The following CPPED1 variants were observed in gnomAD, a reference collection of about 807,000 sequenced individuals.
The protein encoded by CPPED1 is calcineurin like phosphoesterase domain containing 1.
A neutral mutation model predicts 28.0 loss-of-function variants in CPPED1; 28 were observed. The observed-to-expected ratio is 1.00, with a 90% confidence interval of 0.74 to 1.37. CPPED1 has a LOEUF of 1.37. Ranked by LOEUF, CPPED1 falls within the 40% of genes most tolerant of loss-of-function variation. CPPED1 has a pLI of 0.00. For synonymous variants in CPPED1, 198 were observed against 180.2 expected (o/e 1.10, Z -0.79); for missense variants, 504 against 416.5 (o/e 1.21, Z -1.83).
rs370057241 is a variant in CPPED1, at chr16:12,704,908, C to T, written c.431G>A (p.Arg144Gln). Reference sequence around the variant, plus strand: ...GCTGAAGTAGTCATCTCCCCAAGTCCGGCAGAACTCCTCGACGGTCTCGGC... The same window carrying T: ...GCTGAAGTAGTCATCTCCCCAAGTCTGGCAGAACTCCTCGACGGTCTCGGC... ...PTAETVEEFC[R>Q]TWGDDYFSFW... The change falls in exon 3 of 4, where the codon CGG becomes CAG. Residue 144 changes from arginine (R) to glutamine (Q), a missense_variant. Physicochemically the swap from Arg to Gln is conservative, Grantham distance 43. Transcript: ENST00000381774. 4.5e-5 allele frequency: 72 copies of T among 1,614,034 alleles called. No homozygotes were observed. Among genetic ancestry groups the T allele is most frequent in the South Asian group, 3.3e-5 (3 of 91,080 alleles).
intron 3 of CPPED1, among the ~76,000 whole-genome samples, chr16:12,676,946 G>A (rs2079880750): frequency 6.6e-6 from 1 of 152,168 alleles, no homozygotes; most frequent in African/African-American, 2.4e-5. Context: ...GCCTGTAAGT[G>A]TTGAAGCAGG....
At chr16:12,779,618 G>T (rs929402181) in intron 2 of CPPED1, among the ~76,000 whole-genome samples, 18 of 151,940 alleles carry the variant, frequency 1.2e-4, no homozygotes, top group African/African-American at 4.4e-4. Context: ...TTGAATTCCT[G>T]ACCTCAAGTG....
chr16:12,688,439 G>C (rs2079944863), intron 3 of CPPED1, among the ~76,000 whole-genome samples: 1 of 150,462 alleles, frequency 6.6e-6, no homozygotes, highest in Admixed American at 6.7e-5. Flanking sequence ...GGGTTGAAGT[G>C]ATTATTCTCC....
At chr16:12,725,099 T>C (rs188471276) in intron 2 of CPPED1, among the ~76,000 whole-genome samples, 10 of 151,950 alleles carry the variant, frequency 6.6e-5, no homozygotes, top group Admixed American at 5.9e-4. Flanking sequence ...ATGATTCTTT[T>C]TGTTTTGTTT....
intron 3 of CPPED1, among the ~76,000 whole-genome samples, chr16:12,667,481 T>G (rs576559753): frequency 6.6e-6 from 1 of 152,262 alleles, no homozygotes; most frequent in South Asian, 2.1e-4. Flanking sequence ...AGGCCAGGCA[T>G]GGTGGCTCAT....
rs886805837 is a variant in CPPED1, at chr16:12,767,898, T to C, written c.289+13287A>G. 3.9e-5 allele frequency among the ~76,000 whole-genome samples: 6 copies of C among 152,050 alleles called. No homozygotes were observed. The East Asian group carries it at 1.2e-3, about 29-fold the overall frequency. On this transcript the variant is annotated intron_variant, in intron 2 of 3. Transcript: ENST00000381774. ...CTTGAACCCAGGAGGAAGGTTGCAG[T>C]GAGCAGAGATCGCGCCACTGCACTC...
At chr16:12,802,735 C>G in intron 1 of CPPED1, among the ~76,000 whole-genome samples, 1 of 152,172 alleles carries the variant, frequency 6.6e-6, no homozygotes, top group South Asian at 2.1e-4. Flanking sequence ...CTCACCAACC[C>G]TGCTAAAGAA....
At chr16:12,787,570 C>A (rs2080571783) in intron 1 of CPPED1, among the ~76,000 whole-genome samples, 1 of 151,938 alleles carries the variant, frequency 6.6e-6, no homozygotes, top group Admixed American at 6.6e-5. Flanking sequence ...CCACACCTGG[C>A]TCATTTTTGT....
At chr16:12,680,893 C>T (rs1229135184) in intron 3 of CPPED1, among the ~76,000 whole-genome samples, 2 of 152,172 alleles carry the variant, frequency 1.3e-5, no homozygotes, top group African/African-American at 2.4e-5. Flanking sequence ...CACCTATACA[C>T]TTGGTCATTT....
chr16:12,758,157 C>T (rs1299133634), intron 2 of CPPED1, among the ~76,000 whole-genome samples: 2 of 152,078 alleles, frequency 1.3e-5, no homozygotes, highest in Non-Finnish European at 2.9e-5. Flanking sequence ...TAAAGGAAAA[C>T]AGCCATGACA....
At chr16:12,738,820 T>C (rs2080239788) in intron 2 of CPPED1, among the ~76,000 whole-genome samples, 1 of 152,214 alleles carries the variant, frequency 6.6e-6, no homozygotes, top group Non-Finnish European at 1.5e-5. Context: ...ACAGATTCAA[T>C]ATATTTTGTT....
intron 2 of CPPED1, among the ~76,000 whole-genome samples, chr16:12,712,073 C>T (rs1212270470): frequency 2.0e-5 from 3 of 152,170 alleles, no homozygotes; most frequent in African/African-American, 7.2e-5. Flanking sequence ...ATGTTGACAT[C>T]CTAGCCCAGA....
chr16:12,728,635 A>G (rs889028420), intron 2 of CPPED1, among the ~76,000 whole-genome samples: 6 of 152,222 alleles, frequency 3.9e-5, no homozygotes, highest in Non-Finnish European at 7.3e-5. Context: ...GCATGATTGC[A>G]ACCTTCCTAG....
At chr16:12,669,578 T>C (rs1471531835) in intron 3 of CPPED1, among the ~76,000 whole-genome samples, 1 of 152,184 alleles carries the variant, frequency 6.6e-6, no homozygotes, top group Non-Finnish European at 1.5e-5. Flanking sequence ...GAGATATCAG[T>C]GGTAATTCAT....
chr16:12,662,500 C>T lies in CPPED1; in HGVS notation c.*2386G>A, dbSNP rs1275640764. On this transcript the variant is annotated 3_prime_UTR_variant, in exon 4 of 4. Transcript: ENST00000381774. Reference sequence around the variant, plus strand: ...CTGCAACCAACACCAGAAAAGTGTACACTGTACCCATCAGGTACTTTCTCA... The same window carrying T: ...CTGCAACCAACACCAGAAAAGTGTATACTGTACCCATCAGGTACTTTCTCA... 1 of 152,206 alleles carries T rather than the reference C, an allele frequency of 6.6e-6. No individual in the cohort carries two copies. Among genetic ancestry groups the T allele is most frequent in the Non-Finnish European group, 1.5e-5 (1 of 68,050 alleles). The allele number at this position is 152,206 out of a possible 1,614,324, so 9.4% of individuals were successfully genotyped here.
intron 2 of CPPED1, among the ~76,000 whole-genome samples, chr16:12,775,368 T>C (rs2080491902): frequency 6.6e-6 from 1 of 152,214 alleles, no homozygotes; most frequent in African/African-American, 2.4e-5. Context: ...ACACACATTT[T>C]CACCATGTCA....
At chr16:12,750,589 C>G (rs568014603) in intron 2 of CPPED1, among the ~76,000 whole-genome samples, 1 of 152,238 alleles carries the variant, frequency 6.6e-6, no homozygotes, top group East Asian at 1.9e-4. Context: ...TCACCGATCA[C>G]AGATCACCAT....
intron 3 of CPPED1, among the ~76,000 whole-genome samples, chr16:12,683,250 A>C (rs1382520234): frequency 1.3e-5 from 2 of 152,122 alleles, no homozygotes; most frequent in Admixed American, 1.3e-4. Flanking sequence ...ACACACATTA[A>C]CTAAATTTGT....
chr16:12,728,254 T>C (rs1021250284), intron 2 of CPPED1, among the ~76,000 whole-genome samples: 1 of 152,198 alleles, frequency 6.6e-6, no homozygotes, highest in Non-Finnish European at 1.5e-5. Flanking sequence ...AGAAATGTAT[T>C]ACGTACAGTA....
Sources: gnomAD v4.1 joint callset for allele counts (sites outside exome capture counted in the v4.1 genomes callset) on GRCh38, gnomAD v4.1.1 for gene constraint, MANE v1.5 for transcripts, NCBI Gene and HGNC (gene_info 2026-07-23, HGNC 2026-07-21) for gene names.